AVEN: variants seen among roughly 807,000 people sequenced by gnomAD.
AVEN encodes apoptosis and caspase activation inhibitor.
In AVEN, 41 loss-of-function variants were observed where a neutral mutation model predicts 38.1. The observed-to-expected ratio is 1.08, with a 90% CI of 0.84 to 1.40. The LOEUF is 1.40. Among genes scored for constraint, AVEN ranks in the 40% most tolerant of loss-of-function variants. The pLI is 0.00. For missense variants in AVEN, 605 were observed against 438.8 expected (o/e 1.38, Z -3.38); for synonymous variants, 206 against 171.8 (o/e 1.20, Z -1.56).
At chr15:33,875,813 G>C (rs957988003) in intron 3 of AVEN, 112 bp downstream of exon 3, 8 of 1,060,920 alleles carry the variant, frequency 7.5e-6, no homozygotes, top group Admixed American at 2.4e-5. Context: ...AGGGTACACT[G>C]TAAGAATTAC....
At chr15:34,046,738 T>A (rs1369686440) in intron 5 of AVEN, 2 of 152,420 alleles carry the variant, frequency 1.3e-5, no homozygotes, top group Admixed American at 1.3e-4. Context: ...AACTGAAATA[T>A]CCAGGTTCTC....
At chr15:33,882,461 T>C (rs1325607678) in intron 2 of AVEN, among the ~76,000 whole-genome samples, 2 of 152,148 alleles carry the variant, frequency 1.3e-5, no homozygotes, top group African/African-American at 4.8e-5. Flanking sequence ...AATTTTGTTG[T>C]ATTTTGAAAG....
chr15:33,870,911 T>C, intron 4 of AVEN, 24 bp downstream of exon 4: 2 of 1,586,088 alleles, frequency 1.3e-6, no homozygotes, highest in Non-Finnish European at 1.7e-6. Flanking sequence ...TCCACCCGCT[T>C]CAAGAGGGCT....
intron 2 of AVEN, among the ~76,000 whole-genome samples, chr15:33,954,744 T>C (rs1354041633): frequency 6.6e-6 from 1 of 152,122 alleles, no homozygotes; most frequent in Non-Finnish European, 1.5e-5. Context: ...ATGGCACATG[T>C]ATACATATGT....
chr15:33,872,424 T>C (rs1417224313), intron 3 of AVEN, among the ~76,000 whole-genome samples: 1 of 152,180 alleles, frequency 6.6e-6, no homozygotes, highest in Non-Finnish European at 1.5e-5. Flanking sequence ...TCTACAGCAA[T>C]TACTGTCCAT....
intron 2 of AVEN, among the ~76,000 whole-genome samples, chr15:33,931,711 A>C (rs1475747956): frequency 6.6e-6 from 1 of 152,242 alleles, no homozygotes; most frequent in African/African-American, 2.4e-5. Context: ...CAACAAAATC[A>C]AGTAATTAAT....
intron 2 of AVEN, among the ~76,000 whole-genome samples, chr15:33,927,384 CCAATAA>C (rs1292451263): frequency 6.6e-6 from 1 of 151,554 alleles, no homozygotes; most frequent in African/African-American, 2.4e-5. Flanking sequence ...GAATTAATTA[CCAATAA>C]TAATAATAGT....
intron 2 of AVEN, among the ~76,000 whole-genome samples, chr15:33,983,205 TATATATATAC>T (rs1567447723): frequency 1.2e-4 from 3 of 26,042 alleles, no homozygotes; most frequent in South Asian, 1.4e-3. Flanking sequence ...TGTGTGTATA[TATATATATAC>T]ATATATATAC....
At chr15:33,999,989 G>A (rs552344134) in intron 2 of AVEN, among the ~76,000 whole-genome samples, 57 of 152,178 alleles carry the variant, frequency 3.7e-4, no homozygotes, top group Non-Finnish European at 6.8e-4. Context: ...TCGCATATTC[G>A]CTCACGTTGC....
At chr15:33,857,775 C>G, downstream of AVEN, 1 of 1,613,962 alleles carries the variant, frequency 6.2e-7, no homozygotes, top group Non-Finnish European at 8.5e-7. Flanking sequence ...TCCTCTCATT[C>G]CCAGTTGGTT....
chr15:34,006,469 A>G (rs1897349888), intron 1 of AVEN, among the ~76,000 whole-genome samples: 1 of 152,250 alleles, frequency 6.6e-6, no homozygotes, highest in African/African-American at 2.4e-5. Flanking sequence ...TATAAAACCT[A>G]TAAAACCTCT....
chr15:33,862,183 C>T (rs1567361336), downstream of AVEN, among the ~76,000 whole-genome samples: 1 of 151,236 alleles, frequency 6.6e-6, no homozygotes, highest in Non-Finnish European at 1.5e-5. Flanking sequence ...TAGCTCTTCC[C>T]CCTTCTCTCT....
chr15:34,038,466 G>C (rs1325702152), intron 1 of AVEN, among the ~76,000 whole-genome samples: 2 of 152,164 alleles, frequency 1.3e-5, no homozygotes, highest in African/African-American at 2.4e-5. Flanking sequence ...GGGCCGCCGA[G>C]ACTTGCAGCC....
Position 33,866,566 on chromosome 15 carries a change from C to G in AVEN, c.*47G>C. On this transcript the variant is annotated 3_prime_UTR_variant, in exon 6 of 6. Transcript: ENST00000306730. ...GAAGGACAGCCTTATGCCCACCTGC[C>G]GTTAGAAGGCAACCAAGATTTGCTT... The G allele has an allele frequency of 6.9e-7, 1 of 1,453,772 alleles. No individual in the cohort carries two copies. 90.1% of individuals were successfully genotyped at this position (1,453,772 alleles called of 1,614,324 possible).
chr15:34,063,302 T>C lies in AVEN; in HGVS notation n.1257A>G. On this transcript the variant is annotated non_coding_transcript_exon_variant, in exon 5 of 12. Transcript: ENST00000675287. The surrounding 1 kb of genome is among the most constrained non-coding windows in gnomAD (Gnocchi z 4.1). ...TTCTCTCTGAGCCCACCATCACTTTTGGCACTGCCATTGCTGCCTTCTACA... is the reference window on the plus strand; with the variant it reads ...TTCTCTCTGAGCCCACCATCACTTTCGGCACTGCCATTGCTGCCTTCTACA... 1 of 1,614,202 alleles carries C rather than the reference T, an allele frequency of 6.2e-7. No homozygotes were observed. The highest frequency in any genetic ancestry group is 1.1e-5 in the South Asian group (1 of 91,086).
downstream of AVEN, chr15:33,858,134 A>G: frequency 1.7e-6 from 1 of 596,732 alleles, no homozygotes; most frequent in South Asian, 2.3e-5. Context: ...CCACACATCT[A>G]AGCCCCGTGG....
chr15:33,921,532 A>G (rs191925154), intron 2 of AVEN, among the ~76,000 whole-genome samples: 41 of 152,338 alleles, frequency 2.7e-4, no homozygotes, highest in African/African-American at 9.4e-4. Flanking sequence ...TAGTTGGCAA[A>G]GAGGATTCTT....
chr15:33,920,831 T>A (rs1893366038), intron 2 of AVEN, among the ~76,000 whole-genome samples: 1 of 152,078 alleles, frequency 6.6e-6, no homozygotes, highest in African/African-American at 2.4e-5. Context: ...AGTGGTGCAA[T>A]CTCGCAATCT....
chr15:33,900,075 T>G (rs1892425381), intron 2 of AVEN, among the ~76,000 whole-genome samples: 1 of 152,192 alleles, frequency 6.6e-6, no homozygotes, highest in South Asian at 2.1e-4. Flanking sequence ...ATTGTCCTAG[T>G]GTCTACATCT....
Sources: gnomAD v4.1 joint callset for allele counts (sites outside exome capture counted in the v4.1 genomes callset) on GRCh38, gnomAD v4.1.1 for gene constraint, Gnocchi (gnomAD v3.1) non-coding constraint, MANE v1.5 for transcripts, NCBI Gene and HGNC (gene_info 2026-07-23, HGNC 2026-07-21) for gene names.